The following SGK1 variants were observed in gnomAD, a reference collection of about 807,000 sequenced individuals.
SGK1 encodes the protein serum/glucocorticoid regulated kinase 1.
SGK1 carries 26 observed loss-of-function variants against 64.2 expected under a neutral mutation model. The ratio of observed to expected loss-of-function variants is 0.40; its 90% confidence interval spans 0.30 to 0.56. The LOEUF (loss-of-function observed/expected upper bound fraction) is 0.56. SGK1 is among the 20% of genes least tolerant of loss of function. The probability of loss-of-function intolerance (pLI) is 0.38; values close to 1 mark genes in which losing one functional copy is unlikely to be tolerated. For synonymous variants in SGK1, 265 were observed against 239.7 expected (o/e 1.11, Z -0.98); for missense variants, 519 against 645.6 (o/e 0.80, Z 2.12).
intron 2 of SGK1, among the ~76,000 whole-genome samples, chr6:134,257,691 T>C (rs1171460435): frequency 6.6e-6 from 1 of 152,184 alleles, no homozygotes; most frequent in Non-Finnish European, 1.5e-5. Context: ...TTGAGAGGTT[T>C]TGTGGCTTGC....
At chr6:134,274,166 G>A (rs979148748) in intron 1 of SGK1, among the ~76,000 whole-genome samples, 1 of 151,876 alleles carries the variant, frequency 6.6e-6, no homozygotes, top group African/African-American at 2.4e-5. Context: ...ACCACACCCG[G>A]CTAATTTTTT....
chr6:134,220,782 T>C (rs1159121733), intron 2 of SGK1, among the ~76,000 whole-genome samples: 1 of 152,072 alleles, frequency 6.6e-6, no homozygotes, highest in Admixed American at 6.6e-5. Flanking sequence ...AATTTTTTGA[T>C]AGAAGCCTGG....
At chr6:134,180,577 A>C (rs774249833) in intron 3 of SGK1, among the ~76,000 whole-genome samples, 4 of 152,108 alleles carry the variant, frequency 2.6e-5, no homozygotes, top group Non-Finnish European at 4.4e-5. Flanking sequence ...TGGTAAACTC[A>C]AGAGGACTGT....
At chr6:134,252,419 G>C (rs1776618720) in intron 2 of SGK1, among the ~76,000 whole-genome samples, 1 of 152,078 alleles carries the variant, frequency 6.6e-6, no homozygotes, top group African/African-American at 2.4e-5. Context: ...TCTTCTCTTG[G>C]GAACAAGGGC....
intron 2 of SGK1, among the ~76,000 whole-genome samples, chr6:134,244,584 T>C (rs1051988474): frequency 6.6e-6 from 1 of 152,082 alleles, no homozygotes; most frequent in African/African-American, 2.4e-5. Context: ...CCGACCCCCT[T>C]GCACTTCCCG....
In SGK1 at chr6:134,235,941, A is replaced by AT. The variant is rs927664673; in HGVS notation, c.285+25991dup. Among the ~76,000 whole-genome samples, 125 of 150,522 alleles carry AT rather than the reference A, an allele frequency of 8.3e-4. 2 individuals are homozygous for AT. The highest frequency in any genetic ancestry group is 4.2e-4 in the South Asian group (2 of 4,762). On this transcript the variant is annotated intron_variant, in intron 2 of 13. Coordinates refer to ENST00000367858, the MANE Select transcript of SGK1 (RefSeq NM_001143676.3). Reference sequence around the variant, plus strand: ...TGAACAAGGTATTTCTAATTAACTAATTTTTTTTTTCAAACACAGCCTTAG... The same window carrying AT: ...TGAACAAGGTATTTCTAATTAACTAATTTTTTTTTTTCAAACACAGCCTTAG...
Position 134,294,712 on chromosome 6 carries a change from A to G in SGK1, c.69+22680T>C, listed in dbSNP as rs571217883. 3.3e-5 allele frequency among the ~76,000 whole-genome samples: 5 copies of G among 152,036 alleles called. No individual in the cohort carries two copies. The East Asian group carries it at 5.8e-4, about 18-fold the overall frequency. On this transcript the variant is annotated intron_variant, in intron 1 of 13. Coordinates refer to ENST00000367858, the MANE Select transcript of SGK1 (RefSeq NM_001143676.3). Reference sequence around the variant, plus strand: ...ACCCCCCCAACCAGCTAATTTTTGTATTTTTAGTAGAGACGGGGTTTCACC... The same window carrying G: ...ACCCCCCCAACCAGCTAATTTTTGTGTTTTTAGTAGAGACGGGGTTTCACC...
chr6:134,200,678 T>A (rs1411907570), intron 3 of SGK1, among the ~76,000 whole-genome samples: 5 of 152,130 alleles, frequency 3.3e-5, no homozygotes, highest in African/African-American at 4.8e-5. Flanking sequence ...CCAAGGCAGG[T>A]GGATCACTTG....
intron 3 of SGK1, among the ~76,000 whole-genome samples, chr6:134,206,337 TGATATATATA>T (rs1257205677): frequency 1.8e-5 from 2 of 111,458 alleles, no homozygotes; most frequent in African/African-American, 3.7e-5. Flanking sequence ...CTGTACCTGA[TGATATATATA>T]TATATATATA....
At chr6:134,297,836 G>A (rs559599244) in intron 1 of SGK1, 183 of 721,654 alleles carry the variant, frequency 2.5e-4, no homozygotes, top group African/African-American at 1.0e-4. Flanking sequence ...GGTCATCCCC[G>A]TGCTTCCCAG....
intron 3 of SGK1, chr6:134,175,578 C>T (rs1434862456): frequency 2.6e-6 from 4 of 1,566,890 alleles, no homozygotes; most frequent in African/African-American, 2.8e-5. Flanking sequence ...CGCTCCTTTT[C>T]TGCGCCTCGG....
chr6:134,299,198 A>G (rs1234341033), intron 1 of SGK1, among the ~76,000 whole-genome samples: 1 of 134,732 alleles, frequency 7.4e-6, no homozygotes, highest in African/African-American at 2.7e-5. Context: ...TTACAAAAAA[A>G]TTACAAAAAA....
intron 2 of SGK1, 170 bp downstream of exon 2, chr6:134,261,762 TA>T (rs762007898): frequency 1.6e-6 from 1 of 640,664 alleles, no homozygotes; most frequent in Non-Finnish European, 2.7e-6. Flanking sequence ...AAGCCTACTT[TA>T]AAAAAATAAC....
chr6:134,236,251 T>G (rs17827161), intron 2 of SGK1, among the ~76,000 whole-genome samples: 6,614 of 152,158 alleles, frequency 0.043, 207 homozygotes, highest in Non-Finnish European at 0.061. Context: ...ACTAACACAT[T>G]TTACATAATA....
chr6:134,248,975 A>G (rs946791717), intron 2 of SGK1, among the ~76,000 whole-genome samples: 4 of 152,116 alleles, frequency 2.6e-5, no homozygotes, highest in Non-Finnish European at 5.9e-5. Flanking sequence ...TAAATAACCA[A>G]GATTGTTCGT....
intron 2 of SGK1, among the ~76,000 whole-genome samples, chr6:134,245,744 AC>A (rs1382362593): frequency 6.6e-6 from 1 of 152,150 alleles, no homozygotes; most frequent in African/African-American, 2.4e-5. Context: ...TAATCCCAGA[AC>A]TTTGGGAGGT....
chr6:134,235,545 A>T (rs937287604), intron 2 of SGK1, among the ~76,000 whole-genome samples: 1 of 95,224 alleles, frequency 1.1e-5, no homozygotes, highest in Non-Finnish European at 2.0e-5. Context: ...AGATATTTTT[A>T]TTTATTTATT....
intron 2 of SGK1, among the ~76,000 whole-genome samples, chr6:134,212,288 C>T (rs1275792320): frequency 6.6e-6 from 1 of 152,052 alleles, no homozygotes; most frequent in African/African-American, 2.4e-5. Context: ...CTCCTGACCT[C>T]GTGATCCACC....
Position 134,271,093 on chromosome 6 carries a change from G to C in SGK1, c.70-8945C>G, listed in dbSNP as rs112868622. 7.9e-3 allele frequency among the ~76,000 whole-genome samples: 1,034 copies of C among 131,448 alleles called. 63 individuals are homozygous for C. The highest frequency in any genetic ancestry group is 0.024 in the African/African-American group (965 of 39,910). The allele number at this position is 131,448 out of a possible 152,430, so 86.2% of individuals were successfully genotyped here. ...GTGCTTTGGGAGGCCGAGGCAGGCA[G>C]ATCACCTAAGGTCAGGAGTTTGAGA... is the stretch of plus-strand genomic sequence containing the variant. On this transcript the variant is annotated intron_variant, in intron 1 of 13. Coordinates refer to ENST00000367858, the MANE Select transcript of SGK1 (RefSeq NM_001143676.3).
Sources: allele counts gnomAD v4.1 joint callset (sites outside exome capture counted in the v4.1 genomes callset), GRCh38; gene constraint gnomAD v4.1.1; transcripts MANE v1.5; gene names NCBI Gene and HGNC (gene_info 2026-07-23, HGNC 2026-07-21).